WWOX: variants seen among roughly 807,000 people sequenced by gnomAD.
WWOX encodes the protein WW domain containing oxidoreductase, also known as WW domain-containing oxidoreductase.
Under a neutral mutation model 46.2 loss-of-function variants are expected in WWOX, and 69 were observed. The ratio of observed to expected loss-of-function variants is 1.49; its 90% confidence interval spans 1.23 to 1.82. WWOX has a LOEUF of 1.82. Among genes scored for constraint, WWOX ranks in the 40% most tolerant of loss-of-function variants. WWOX has a pLI of 0.00. For missense variants in WWOX, 919 were observed against 542.6 expected (o/e 1.69, Z -6.89); for synonymous variants, 359 against 202.6 (o/e 1.77, Z -6.56).
chr16:78,763,089 C>G (rs960000539), intron 8 of WWOX, among the ~76,000 whole-genome samples: 2 of 152,170 alleles, frequency 1.3e-5, no homozygotes, highest in African/African-American at 4.8e-5. Context: ...TTCCTGAGCA[C>G]CTACTCTGTG....
chr16:78,397,864 C>T (rs1242008370), intron 6 of WWOX, among the ~76,000 whole-genome samples: 2 of 152,172 alleles, frequency 1.3e-5, no homozygotes, highest in Non-Finnish European at 2.9e-5. Flanking sequence ...AATCGTTTTG[C>T]TGGAATATGT....
At chr16:78,404,847 G>A (rs531741635) in intron 6 of WWOX, among the ~76,000 whole-genome samples, 1 of 152,288 alleles carries the variant, frequency 6.6e-6, no homozygotes, top group South Asian at 2.1e-4. Context: ...GCAGTAAAGT[G>A]CTGAATGCAA....
At chr16:78,607,067 C>A (rs962177024) in intron 8 of WWOX, among the ~76,000 whole-genome samples, 13 of 151,986 alleles carry the variant, frequency 8.6e-5, no homozygotes, top group African/African-American at 3.1e-4. Context: ...AAATGGTGGC[C>A]AAGGGGCTGT....
chr16:78,148,122 C>G (rs576810016), intron 4 of WWOX, among the ~76,000 whole-genome samples: 1 of 152,168 alleles, frequency 6.6e-6, no homozygotes, highest in Admixed American at 6.5e-5. Flanking sequence ...CTTACAAATT[C>G]AGAGTTGGGT....
intron 7 of WWOX, among the ~76,000 whole-genome samples, chr16:78,430,484 A>G (rs1270576694): frequency 6.6e-6 from 1 of 152,128 alleles, no homozygotes; most frequent in Non-Finnish European, 1.5e-5. Flanking sequence ...TTTCATCTCC[A>G]TGAGTGTCCA....
intron 8 of WWOX, among the ~76,000 whole-genome samples, chr16:78,676,737 C>T (rs755639398): frequency 3.5e-4 from 54 of 152,174 alleles, no homozygotes; most frequent in Admixed American, 7.9e-4. Flanking sequence ...CATTTATACT[C>T]GTTTCAGCTA....
chr16:78,225,598 A>T (rs2037027235), intron 5 of WWOX, among the ~76,000 whole-genome samples: 1 of 152,158 alleles, frequency 6.6e-6, no homozygotes, highest in Non-Finnish European at 1.5e-5. Context: ...GAAATCATTA[A>T]ATTCATTGAG....
chr16:78,434,479 G>A (rs995410048), intron 8 of WWOX, among the ~76,000 whole-genome samples: 3 of 152,172 alleles, frequency 2.0e-5, no homozygotes, highest in Non-Finnish European at 4.4e-5. Context: ...GATCTGAACT[G>A]GGTGCCAGTG....
intron 8 of WWOX, among the ~76,000 whole-genome samples, chr16:78,836,751 C>T (rs2051996075): frequency 6.6e-6 from 1 of 152,144 alleles, no homozygotes; most frequent in South Asian, 2.1e-4. Flanking sequence ...GGCTGGACCC[C>T]AGGATTTCTG....
chr16:79,007,041 G>C lies in WWOX; in HGVS notation c.1057-204567G>C, dbSNP rs760692314. ...GGTGAGTGGGATGGGGGTATCTCTA[G>C]GGGACCATTATCCAGCCTTCCACAG... On this transcript the variant is annotated intron_variant, in intron 8 of 8. Transcript: ENST00000566780. Among the ~76,000 whole-genome samples the C allele has an allele frequency of 2.0e-4, 31 of 152,050 alleles. 1 individual carries two copies. The highest frequency in any genetic ancestry group is 4.0e-4 in the Non-Finnish European group (27 of 68,020).
intron 8 of WWOX, among the ~76,000 whole-genome samples, chr16:78,943,602 G>C (rs2151294620): frequency 6.6e-6 from 1 of 152,272 alleles, no homozygotes; most frequent in East Asian, 1.9e-4. Flanking sequence ...AAAATAGAGG[G>C]CGATGGCTCC....
At chr16:78,928,254 G>A (rs2045544730) in intron 8 of WWOX, among the ~76,000 whole-genome samples, 1 of 148,138 alleles carries the variant, frequency 6.8e-6, no homozygotes, top group South Asian at 2.1e-4. Context: ...CCAGGCTGGA[G>A]TGCAGTGGCG....
At chr16:78,167,969 G>C (rs2035028166) in intron 5 of WWOX, 2 of 152,100 alleles carry the variant, frequency 1.3e-5, no homozygotes, top group African/African-American at 4.8e-5. Flanking sequence ...AATTTTTCAA[G>C]CTGCTGGCCA....
intron 8 of WWOX, among the ~76,000 whole-genome samples, chr16:79,013,866 C>G (rs1364133373): frequency 6.6e-6 from 1 of 152,170 alleles, no homozygotes; most frequent in Non-Finnish European, 1.5e-5. Context: ...GCCGCCCTCC[C>G]AGGTGTTTGT....
At chr16:79,053,614 C>G (rs2048209555) in intron 8 of WWOX, among the ~76,000 whole-genome samples, 1 of 152,024 alleles carries the variant, frequency 6.6e-6, no homozygotes, top group Non-Finnish European at 1.5e-5. Flanking sequence ...TAATTATATT[C>G]CGATCACTTT....
intron 8 of WWOX, among the ~76,000 whole-genome samples, chr16:78,639,241 A>G (rs2046646252): frequency 6.6e-6 from 1 of 152,176 alleles, no homozygotes; most frequent in African/African-American, 2.4e-5. Flanking sequence ...CCCAGGCATC[A>G]ATGACACATG....
intron 8 of WWOX, among the ~76,000 whole-genome samples, chr16:78,612,354 C>T (rs1036631517): frequency 6.6e-6 from 1 of 152,220 alleles, no homozygotes; most frequent in Non-Finnish European, 1.5e-5. Context: ...TTTGATGGGT[C>T]ATCCTATGAA....
chr16:78,400,863 AC>A (rs1331258641), intron 6 of WWOX, among the ~76,000 whole-genome samples: 1 of 152,234 alleles, frequency 6.6e-6, no homozygotes, highest in African/African-American at 2.4e-5. Context: ...TGGCTCTGTC[AC>A]CCAGACTGGT....
At chr16:79,168,173 C>T (rs1201146941) in intron 8 of WWOX, among the ~76,000 whole-genome samples, 1 of 152,124 alleles carries the variant, frequency 6.6e-6, no homozygotes, top group Non-Finnish European at 1.5e-5. Context: ...GGTATAATGA[C>T]TTGTGTTGCC....
Sources: allele counts gnomAD v4.1 joint callset (sites outside exome capture counted in the v4.1 genomes callset), GRCh38; gene constraint gnomAD v4.1.1; transcripts MANE v1.5; gene names NCBI Gene and HGNC (gene_info 2026-07-23, HGNC 2026-07-21).